CYP2B6: variants seen among roughly 807,000 people sequenced by gnomAD.
CYP2B6 encodes cytochrome P450 2B6.
In CYP2B6, 35 loss-of-function variants were observed where a neutral mutation model predicts 43.4. The observed-to-expected ratio is 0.81, with a 90% CI of 0.62 to 1.07. CYP2B6 has a LOEUF of 1.07. CYP2B6 is among the 50% of genes least tolerant of loss of function. The pLI is 0.00. For synonymous variants in CYP2B6, 239 were observed against 239.2 expected, an observed-to-expected ratio of 1.00 and a Z score of 0.01; for missense variants, 624 against 632.8, an observed-to-expected ratio of 0.99 and a Z score of 0.15.
At chr19:40,996,893 G>A (rs1252764185) in intron 1 of CYP2B6, among the ~76,000 whole-genome samples, 3 of 152,046 alleles carry the variant, frequency 2.0e-5, no homozygotes, top group Non-Finnish European at 4.4e-5. Context: ...TAATTTGATG[G>A]TGCCATTGCA....
intron 1 of CYP2B6, among the ~76,000 whole-genome samples, chr19:40,998,526 A>C: frequency 2.1e-5 from 3 of 140,792 alleles, no homozygotes; most frequent in African/African-American, 2.7e-5. Flanking sequence ...GCACCCACTA[A>C]CTCGTCATCT....
At chr19:41,008,991 T>A (rs1487150831) in intron 4 of CYP2B6, among the ~76,000 whole-genome samples, 2 of 148,110 alleles carry the variant, frequency 1.4e-5, no homozygotes, top group Non-Finnish European at 3.0e-5. Flanking sequence ...GGCAGGGAGA[T>A]GGGGCAGAGG....
In CYP2B6 at chr19:40,991,425, G is replaced by A; in HGVS notation, c.120G>A (p.Leu40=). The part of the protein sequence containing the change: ...LPPGPRPLPL[L]GNLLQMDRRG... ...CAGGGCCCCGCCCTCTGCCCCTTTT[G>A]GGAAACCTTCTGCAGATGGATAGAA... is the stretch of plus-strand genomic sequence containing the variant. Residue 40 remains leucine (L), a synonymous_variant, in exon 1 of 9, where the codon TTG becomes TTA. Transcript: ENST00000324071. 6.2e-7 allele frequency: 1 copy of A among 1,613,984 alleles called. No individual in the cohort carries two copies. The highest frequency in any genetic ancestry group is 1.1e-5 in the South Asian group (1 of 91,060).
intron 4 of CYP2B6, among the ~76,000 whole-genome samples, chr19:41,008,325 G>A (rs1290795461): frequency 2.7e-5 from 4 of 148,616 alleles, no homozygotes; most frequent in Non-Finnish European, 5.9e-5. Flanking sequence ...AATTCTCATG[G>A]CTCAGCCTCC....
At chr19:41,006,394 T>C (rs1969187253) in intron 3 of CYP2B6, among the ~76,000 whole-genome samples, 1 of 148,424 alleles carries the variant, frequency 6.7e-6, no homozygotes, top group Non-Finnish European at 1.5e-5. Context: ...GAATTCCTGA[T>C]CCTTTTGAAT....
chr19:41,012,545 C>T, intron 7 of CYP2B6, 60 bp downstream of exon 7: 1 of 1,610,084 alleles, frequency 6.2e-7, no homozygotes, highest in South Asian at 1.1e-5. Flanking sequence ...CTCTTAATCC[C>T]CGAACTCAAC....
chr19:41,014,747 G>A lies in CYP2B6; in HGVS notation c.1295-1899G>A, dbSNP rs890561071. Among the ~76,000 whole-genome samples the A allele has an allele frequency of 1.5e-4, 23 of 151,900 alleles. 1 individual carries two copies. Among genetic ancestry groups the A allele is most frequent in the African/African-American group, 5.6e-4 (23 of 41,310 alleles). On this transcript the variant is annotated intron_variant, in intron 8 of 8. Coordinates refer to ENST00000324071, the MANE Select transcript of CYP2B6 (RefSeq NM_000767.5). Reference sequence around the variant, plus strand: ...AGAGATGGGGAGCCAGTGGCAGAAAGACAGAGGGCAAACCTCAGACAGTAT... The same window carrying A: ...AGAGATGGGGAGCCAGTGGCAGAAAAACAGAGGGCAAACCTCAGACAGTAT...
intron 2 of CYP2B6, 39 bp downstream of exon 2, chr19:41,004,202 GGT>G: frequency 6.2e-7 from 1 of 1,600,270 alleles, no homozygotes. Flanking sequence ...GCGGGTGGGG[GGT>G]GCATCAGGGA....
chr19:40,994,320 G>A (rs567132940), intron 1 of CYP2B6, among the ~76,000 whole-genome samples: 2 of 152,212 alleles, frequency 1.3e-5, no homozygotes, highest in Non-Finnish European at 2.9e-5. Context: ...CTCAAGGTAG[G>A]CACTCGTGGT....
chr19:41,012,242 GC>G, intron 6 of CYP2B6, 55 bp from the exon 7 acceptor site: 1 of 1,564,054 alleles, frequency 6.4e-7, no homozygotes, highest in Non-Finnish European at 8.8e-7. Flanking sequence ...GAGCCACCAT[GC>G]CTGGCCTGAA....
At position 41,017,970 on chromosome 19, in the gene CYP2B6, C is replaced by T. The variant is rs1969396316; in HGVS notation, c.*1143C>T. The T allele has an allele frequency of 2.0e-5, 3 of 151,760 alleles. No individual in the cohort carries two copies. The highest frequency in any genetic ancestry group is 2.0e-4 in the Admixed American group (3 of 15,224). 9.4% of individuals were successfully genotyped at this position (151,760 alleles called of 1,614,324 possible). On this transcript the variant is annotated 3_prime_UTR_variant, in exon 9 of 9. Transcript: ENST00000324071. The stretch of plus-strand genomic sequence containing the variant: ...CCAAGATCAAGAGATTCTCCAGTCT[C>T]AGCTCCCAAGTAGCTGGGATTACAG...
chr19:41,009,254 T>A lies in CYP2B6; in HGVS notation c.681T>A (p.Phe227Leu). Reference protein sequence around the residue: ...FELFSGFLKYFPGAHRQVYKN... With the variant: ...FELFSGFLKYLPGAHRQVYKN... ...TCTTCTCTGGCTTCTTGAAATACTT[T>A]CCTGGGGCACACAGGCAAGTTTACA... The change falls in exon 5 of 9, where the codon TTT becomes TTA. Residue 227 changes from phenylalanine (F) to leucine (L), a missense_variant. Transcript: ENST00000324071. 6.2e-7 allele frequency: 1 copy of A among 1,612,864 alleles called. No homozygotes were observed.
chr19:40,998,873 C>T lies in CYP2B6; in HGVS notation c.172-5128C>T, dbSNP rs1369490449. Among the ~76,000 whole-genome samples the T allele has an allele frequency of 7.0e-4, 71 of 100,982 alleles. 1 individual carries two copies. The highest frequency in any genetic ancestry group is 2.6e-3 in the African/African-American group (63 of 24,258). 66.2% of individuals were successfully genotyped at this position (100,982 alleles called of 152,430 possible). ...AAGTCTTTGCTATTGTGAATAATGC[C>T]GCAATAAACATACATGTGCATGTGT... On this transcript the variant is annotated intron_variant, in intron 1 of 8. Coordinates refer to ENST00000324071, the MANE Select transcript of CYP2B6 (RefSeq NM_000767.5).
intron 7 of CYP2B6, 53 bp downstream of exon 7, chr19:41,012,538 T>C (rs1436771529): frequency 2.0e-5 from 33 of 1,611,378 alleles, no homozygotes; most frequent in Non-Finnish European, 2.8e-5. Flanking sequence ...CTGGATTCTC[T>C]TAATCCCCGA....
At chr19:40,991,815 C>T (rs1421524659) in intron 1 of CYP2B6, among the ~76,000 whole-genome samples, 1 of 152,060 alleles carries the variant, frequency 6.6e-6, no homozygotes, top group Non-Finnish European at 1.5e-5. Flanking sequence ...TCACAGCTTG[C>T]CTTACTTGGT....
chr19:41,002,337 C>T (rs1304789425), intron 1 of CYP2B6, among the ~76,000 whole-genome samples: 1 of 152,054 alleles, frequency 6.6e-6, no homozygotes, highest in East Asian at 1.9e-4. Flanking sequence ...AATTTTATGA[C>T]TTTTATGTCA....
At chr19:40,997,000 G>A (rs1490453144) in intron 1 of CYP2B6, among the ~76,000 whole-genome samples, 2 of 151,998 alleles carry the variant, frequency 1.3e-5, no homozygotes, top group Non-Finnish European at 2.9e-5. Flanking sequence ...GAGGTGTCTG[G>A]GTATGAGCCA....
At chr19:40,995,885 C>T (rs555282225) in intron 1 of CYP2B6, among the ~76,000 whole-genome samples, 2 of 152,078 alleles carry the variant, frequency 1.3e-5, no homozygotes, top group Non-Finnish European at 2.9e-5. Context: ...AGGTGATCAC[C>T]GGTTCAGCCA....
chr19:41,007,138 C>A, intron 4 of CYP2B6, 73 bp downstream of exon 4: 2 of 1,464,498 alleles, frequency 1.4e-6, no homozygotes, highest in Non-Finnish European at 1.9e-6. Flanking sequence ...AAAGGATGAC[C>A]TGTCTTGGGG....
Sources: gnomAD v4.1 joint callset for allele counts (sites outside exome capture counted in the v4.1 genomes callset) on GRCh38, gnomAD v4.1.1 for gene constraint, MANE v1.5 for transcripts, NCBI Gene and HGNC (gene_info 2026-07-23, HGNC 2026-07-21) for gene names.